EPHA6: variants seen among roughly 807,000 people sequenced by gnomAD.
The protein encoded by EPHA6 is ephrin type-A receptor 6.
Under a neutral mutation model 112.0 loss-of-function variants are expected in EPHA6, and 50 were observed. The ratio of observed to expected loss-of-function variants is 0.45; its 90% confidence interval spans 0.36 to 0.56. The LOEUF (loss-of-function observed/expected upper bound fraction) is 0.56. Ranked by LOEUF, EPHA6 falls within the 20% of genes least tolerant of loss-of-function variation. EPHA6 has a pLI of 0.00. For synonymous variants in EPHA6, 529 were observed against 490.7 expected (o/e 1.08, Z -1.03); for missense variants, 1,280 against 1,417.4 (o/e 0.90, Z 1.56).
intron 2 of EPHA6, among the ~76,000 whole-genome samples, chr3:96,868,177 A>T (rs62262945): frequency 0.04 from 5,485 of 138,090 alleles, 115 homozygotes; most frequent in African/African-American, 0.061. Flanking sequence ...TGTGTGTGTG[A>T]GAGAGAGAGA....
At chr3:97,393,003 T>A in intron 5 of EPHA6, among the ~76,000 whole-genome samples, 1 of 151,880 alleles carries the variant, frequency 6.6e-6, no homozygotes, top group South Asian at 2.1e-4. Context: ...ATAATAATAC[T>A]TTTGCCTGGA....
At chr3:96,876,447 G>A (rs752100290) in intron 2 of EPHA6, among the ~76,000 whole-genome samples, 3 of 150,628 alleles carry the variant, frequency 2.0e-5, no homozygotes, top group Non-Finnish European at 3.0e-5. Context: ...TTGTTTACCT[G>A]CTTTGGGTCT....
chr3:97,187,748 G>A (rs1482629179), intron 3 of EPHA6, among the ~76,000 whole-genome samples: 6 of 128,232 alleles, frequency 4.7e-5, no homozygotes, highest in African/African-American at 1.8e-4. Context: ...AAAGAAAGAG[G>A]AAAGAAAGAA....
intron 6 of EPHA6, chr3:97,441,405 AC>A (rs1268364629): frequency 1.0e-6 from 1 of 964,182 alleles, no homozygotes; most frequent in Admixed American, 6.2e-5. Flanking sequence ...CATTTTAAAA[AC>A]AAAATACAGA....
chr3:97,661,790 CT>C (rs1433950633), intron 14 of EPHA6, among the ~76,000 whole-genome samples: 7 of 152,256 alleles, frequency 4.6e-5, no homozygotes, highest in African/African-American at 1.2e-4. Context: ...CTGAATATCT[CT>C]TTGGTGCTTA....
At chr3:97,014,160 T>G (rs949765317) in intron 3 of EPHA6, among the ~76,000 whole-genome samples, 4 of 152,116 alleles carry the variant, frequency 2.6e-5, no homozygotes, top group Non-Finnish European at 5.9e-5. Context: ...GATAAACAGA[T>G]AGAGAAAGAG....
intron 2 of EPHA6, among the ~76,000 whole-genome samples, chr3:96,935,938 T>A (rs767413389): frequency 6.6e-6 from 1 of 151,930 alleles, no homozygotes; most frequent in African/African-American, 2.4e-5. Flanking sequence ...AGCACCTTCA[T>A]TGTGCAGAGC....
intron 5 of EPHA6, among the ~76,000 whole-genome samples, chr3:97,253,134 T>C (rs1264347299): frequency 6.6e-6 from 1 of 152,214 alleles, no homozygotes; most frequent in Non-Finnish European, 1.5e-5. Flanking sequence ...TAATATCTGA[T>C]TCAATATACA....
At chr3:96,989,801 A>T (rs7639408) in intron 3 of EPHA6, among the ~76,000 whole-genome samples, 3 of 152,108 alleles carry the variant, frequency 2.0e-5, no homozygotes, top group Non-Finnish European at 2.9e-5. Flanking sequence ...GAGAACAGCA[A>T]AAAGGAAGTC....
At chr3:97,182,711 C>T (rs939158618) in intron 3 of EPHA6, among the ~76,000 whole-genome samples, 3 of 152,038 alleles carry the variant, frequency 2.0e-5, no homozygotes, top group Non-Finnish European at 4.4e-5. Flanking sequence ...AAATTGAATA[C>T]CTTTAAGACA....
intron 3 of EPHA6, among the ~76,000 whole-genome samples, chr3:97,095,447 T>C (rs2047207076): frequency 6.6e-6 from 1 of 150,584 alleles, no homozygotes; most frequent in Non-Finnish European, 1.5e-5. Context: ...ACTTCAAGTA[T>C]AATGATAAAA....
intron 7 of EPHA6, among the ~76,000 whole-genome samples, chr3:97,451,954 T>C (rs778880191): frequency 3.8e-4 from 58 of 151,916 alleles, no homozygotes; most frequent in Non-Finnish European, 6.9e-4. Context: ...CTGGTTCAAA[T>C]TTTTTAAAGT....
intron 14 of EPHA6, among the ~76,000 whole-genome samples, chr3:97,690,898 A>T (rs2032620954): frequency 6.6e-6 from 1 of 152,184 alleles, no homozygotes; most frequent in East Asian, 1.9e-4. Context: ...TCTATTGGTT[A>T]TTATTTTCTT....
At chr3:97,115,149 T>C (rs970684574) in intron 3 of EPHA6, among the ~76,000 whole-genome samples, 10 of 151,968 alleles carry the variant, frequency 6.6e-5, no homozygotes, top group African/African-American at 2.4e-4. Flanking sequence ...ATTTAATGGA[T>C]GGCTATGTAG....
intron 3 of EPHA6, among the ~76,000 whole-genome samples, chr3:97,220,257 G>A (rs1269219121): frequency 6.6e-6 from 1 of 152,054 alleles, no homozygotes; most frequent in Non-Finnish European, 1.5e-5. Context: ...TCTCTAGAAA[G>A]TTCCAAACTT....
chr3:96,849,825 TA>T (rs1559770928), intron 1 of EPHA6, among the ~76,000 whole-genome samples: 2 of 152,092 alleles, frequency 1.3e-5, no homozygotes, highest in African/African-American at 4.8e-5. Context: ...ATAAGGCCGT[TA>T]AAAAAATAAA....
chr3:96,893,279 A>T (rs574019806), intron 2 of EPHA6, among the ~76,000 whole-genome samples: 1 of 152,258 alleles, frequency 6.6e-6, no homozygotes, highest in East Asian at 1.9e-4. Context: ...TACCCTCTTC[A>T]TCATTATTTC....
Position 97,595,998 on chromosome 3 carries a change from C to T in EPHA6, c.2512+3261C>T, listed in dbSNP as rs545436308. Reference sequence around the variant, plus strand: ...TCGGCTCACTGCAAGCTTCGCCTCCCGGGTTCACGCCATTCTCCTGCCTCA... The same window carrying T: ...TCGGCTCACTGCAAGCTTCGCCTCCTGGGTTCACGCCATTCTCCTGCCTCA... On this transcript the variant is annotated intron_variant, in intron 12 of 17. Coordinates refer to ENST00000389672, the MANE Select transcript of EPHA6 (RefSeq NM_001080448.3). Among the ~76,000 whole-genome samples, 12 of 150,928 alleles carry T rather than the reference C, an allele frequency of 8.0e-5. No homozygotes were observed. The East Asian group carries it at 1.2e-3, about 15-fold the overall frequency.
intron 7 of EPHA6, among the ~76,000 whole-genome samples, chr3:97,472,828 G>T (rs1560044549): frequency 6.6e-6 from 1 of 151,768 alleles, no homozygotes; most frequent in East Asian, 1.9e-4. Flanking sequence ...AAAACCGCTA[G>T]ATCTAGTTAG....
Sources: allele counts gnomAD v4.1 joint callset (sites outside exome capture counted in the v4.1 genomes callset), GRCh38; gene constraint gnomAD v4.1.1; transcripts MANE v1.5; gene names NCBI Gene and HGNC (gene_info 2026-07-23, HGNC 2026-07-21).